MBD5: variants seen among roughly 807,000 people sequenced by gnomAD.
MBD5 encodes the protein methyl-CpG-binding domain protein 5.
MBD5 carries 13 observed loss-of-function variants against 117.3 expected under a neutral mutation model. The ratio of observed to expected loss-of-function variants is 0.11; its 90% CI spans 0.07 to 0.18. The LOEUF (loss-of-function observed/expected upper bound fraction) is 0.18. Ranked by LOEUF, MBD5 falls within the 10% of genes least tolerant of loss-of-function variation. MBD5 has a pLI of 1.00. For synonymous variants in MBD5, 727 were observed against 766.4 expected (o/e 0.95, Z 0.85); for missense variants, 1,879 against 2,093.8 (o/e 0.90, Z 2.00).
intron 1 of MBD5, among the ~76,000 whole-genome samples, chr2:148,134,474 T>C (rs1697127998): frequency 6.6e-6 from 1 of 152,220 alleles, no homozygotes; most frequent in Non-Finnish European, 1.5e-5. Context: ...CTTTGCTTTG[T>C]ATTCTGATAT....
chr2:148,372,121 G>A (rs116042825), intron 4 of MBD5, among the ~76,000 whole-genome samples: 1,627 of 152,070 alleles, frequency 0.011, 15 homozygotes, highest in African/African-American at 0.035. Flanking sequence ...AGCCCATATG[G>A]GGTAGTTATG....
intron 1 of MBD5, among the ~76,000 whole-genome samples, chr2:148,153,186 C>G (rs1697740822): frequency 6.6e-6 from 1 of 150,866 alleles, no homozygotes; most frequent in Admixed American, 6.6e-5. Context: ...TTTTATTTCT[C>G]CTTCACTTAT....
intron 1 of MBD5, among the ~76,000 whole-genome samples, chr2:148,148,923 ATTTC>A (rs1030563782): frequency 2.8e-4 from 42 of 152,070 alleles, no homozygotes; most frequent in African/African-American, 9.9e-4. Context: ...TTAAATAAAT[ATTTC>A]TTTATTTATT....
intron 4 of MBD5, among the ~76,000 whole-genome samples, chr2:148,396,341 C>T (rs941471707): frequency 2.6e-5 from 4 of 152,204 alleles, no homozygotes; most frequent in South Asian, 2.1e-4. Flanking sequence ...CCATGCACAG[C>T]GGCGGCTACA....
chr2:148,123,913 T>C (rs1489583580), intron 1 of MBD5, among the ~76,000 whole-genome samples: 1 of 152,152 alleles, frequency 6.6e-6, no homozygotes, highest in African/African-American at 2.4e-5. Context: ...TCGGTGGTGA[T>C]GGTAATTAAT....
intron 3 of MBD5, among the ~76,000 whole-genome samples, chr2:148,256,241 C>T (rs1020233635): frequency 3.9e-5 from 6 of 152,212 alleles, no homozygotes; most frequent in South Asian, 2.1e-4. Context: ...GACCCCAATG[C>T]GTATTGACCT....
chr2:148,492,577 C>T (rs533609462), intron 11 of MBD5, among the ~76,000 whole-genome samples: 8 of 152,004 alleles, frequency 5.3e-5, no homozygotes, highest in Non-Finnish European at 1.2e-4. Context: ...GCTAAGGACT[C>T]AGCATTTTTA....
At chr2:148,264,731 TTCTGCTTTGAAG>T (rs1361531905) in intron 3 of MBD5, 2 of 152,080 alleles carry the variant, frequency 1.3e-5, no homozygotes, top group Non-Finnish European at 2.9e-5. Flanking sequence ...CATAGGAAAA[TTCTGCTTTGAAG>T]TCTGCTGCTG....
chr2:148,086,236 A>C (rs1178944528), intron 1 of MBD5, among the ~76,000 whole-genome samples: 2 of 151,736 alleles, frequency 1.3e-5, no homozygotes, highest in Non-Finnish European at 2.9e-5. Flanking sequence ...ACTGGCCCTG[A>C]GGATTTCTAG....
intron 2 of MBD5, among the ~76,000 whole-genome samples, chr2:148,183,551 C>G (rs939177268): frequency 2.0e-5 from 3 of 151,580 alleles, no homozygotes; most frequent in African/African-American, 7.3e-5. Flanking sequence ...ATATATATCT[C>G]TCCTACAAAG....
At chr2:148,273,614 C>A (rs147808283) in intron 3 of MBD5, among the ~76,000 whole-genome samples, 1 of 152,226 alleles carries the variant, frequency 6.6e-6, no homozygotes, top group African/African-American at 2.4e-5. Flanking sequence ...GTGATTTCAT[C>A]CCCAACCCAA....
chr2:148,310,271 T>C (rs1701997659), intron 3 of MBD5, among the ~76,000 whole-genome samples: 1 of 152,068 alleles, frequency 6.6e-6, no homozygotes, highest in African/African-American at 2.4e-5. Context: ...AATCCATCTG[T>C]TCCTGGGGTT....
At chr2:148,156,496 C>A (rs1361198204) in intron 1 of MBD5, among the ~76,000 whole-genome samples, 1 of 152,206 alleles carries the variant, frequency 6.6e-6, no homozygotes, top group Non-Finnish European at 1.5e-5. Flanking sequence ...AGAATCTTTT[C>A]CTGAAAATTC....
chr2:148,273,002 C>T (rs1303048679), intron 3 of MBD5, among the ~76,000 whole-genome samples: 2 of 152,188 alleles, frequency 1.3e-5, no homozygotes, highest in East Asian at 3.8e-4. Flanking sequence ...AATGATCTCA[C>T]TGTTACTGGG....
At chr2:148,305,073 A>AT (rs1553497956) in intron 3 of MBD5, among the ~76,000 whole-genome samples, 10 of 152,038 alleles carry the variant, frequency 6.6e-5, no homozygotes, top group African/African-American at 1.9e-4. Context: ...TCAAAAAAAA[A>AT]AAAATAAAAT....
intron 4 of MBD5, among the ~76,000 whole-genome samples, chr2:148,357,683 C>T (rs1190472476): frequency 1.3e-5 from 2 of 152,064 alleles, no homozygotes; most frequent in Non-Finnish European, 1.5e-5. Flanking sequence ...TGATGGTCCA[C>T]ATGGGCTGGC....
chr2:148,467,585 G>A (rs1485006580), intron 7 of MBD5, among the ~76,000 whole-genome samples: 1 of 152,144 alleles, frequency 6.6e-6, no homozygotes, highest in African/African-American at 2.4e-5. Context: ...TGGTAAAAGG[G>A]TGTGGCTGTT....
At chr2:148,451,199 A>G (rs1422808737) in intron 4 of MBD5, among the ~76,000 whole-genome samples, 4 of 152,150 alleles carry the variant, frequency 2.6e-5, no homozygotes, top group African/African-American at 9.7e-5. Context: ...AGTTAGAGTG[A>G]TTAAGTGGAG....
chr2:148,182,501 T>C (rs1013551682), intron 2 of MBD5, among the ~76,000 whole-genome samples: 7 of 152,316 alleles, frequency 4.6e-5, no homozygotes, highest in East Asian at 1.9e-4. Context: ...AATTTTCTTA[T>C]TTTCCTCGTT....
Sources: allele counts gnomAD v4.1 joint callset (sites outside exome capture counted in the v4.1 genomes callset), GRCh38; gene constraint gnomAD v4.1.1; transcripts MANE v1.5; gene names NCBI Gene and HGNC (gene_info 2026-07-23, HGNC 2026-07-21).